The following RAB20 variants were observed in gnomAD, a reference collection of about 807,000 sequenced individuals.
RAB20 encodes the protein RAB20, member RAS oncogene family, also known as ras-related protein Rab-20.
RAB20 carries 2 observed loss-of-function variants against 3.7 expected under a neutral mutation model. That is an observed-to-expected ratio of 0.54 (90% CI 0.22 to 1.69). The LOEUF is 1.69. Ranked by LOEUF, RAB20 falls within the 40% of genes most tolerant of loss-of-function variation. The pLI is 0.19. For missense variants in RAB20, 276 were observed against 311.9 expected (o/e 0.88, Z 0.87); for synonymous variants, 126 against 130.8 (o/e 0.96, Z 0.25).
chr13:110,560,969 CCTCAAGTGAAT>C (rs1369642202), intron 1 of RAB20, among the ~76,000 whole-genome samples: 1 of 152,176 alleles, frequency 6.6e-6, no homozygotes, highest in East Asian at 1.9e-4. Flanking sequence ...TCTGCTCACC[CCTCAAGTGAAT>C]CTCAAAGGAT....
At chr13:110,551,439 C>A (rs1212324040) in intron 1 of RAB20, among the ~76,000 whole-genome samples, 1 of 152,170 alleles carries the variant, frequency 6.6e-6, no homozygotes, top group Non-Finnish European at 1.5e-5. Flanking sequence ...CAAGTGCCAG[C>A]AGGCAGATAA....
chr13:110,560,126 C>T (rs1161035305), intron 1 of RAB20, among the ~76,000 whole-genome samples: 1 of 152,164 alleles, frequency 6.6e-6, no homozygotes, highest in Non-Finnish European at 1.5e-5. Flanking sequence ...TGTGTTCCAT[C>T]GTTACCAAAT....
chr13:110,527,871 C>A (rs1395835391), intron 1 of RAB20, among the ~76,000 whole-genome samples: 1 of 150,820 alleles, frequency 6.6e-6, no homozygotes, highest in East Asian at 2.0e-4. Context: ...CCAGCTTGGG[C>A]AGCATAGCAA....
At chr13:110,552,935 AGCCTC>A (rs1884981258) in intron 1 of RAB20, among the ~76,000 whole-genome samples, 2 of 152,176 alleles carry the variant, frequency 1.3e-5, no homozygotes, top group South Asian at 4.1e-4. Flanking sequence ...CTGTGGGCCG[AGCCTC>A]CCAGCGCACA....
At chr13:110,535,476 T>A (rs1884623857) in intron 1 of RAB20, among the ~76,000 whole-genome samples, 1 of 152,270 alleles carries the variant, frequency 6.6e-6, no homozygotes, top group South Asian at 2.1e-4. Context: ...CACGTCTTCA[T>A]GGATCCTTAA....
chr13:110,529,383 C>T (rs1884491023), intron 1 of RAB20, among the ~76,000 whole-genome samples: 1 of 152,180 alleles, frequency 6.6e-6, no homozygotes, highest in South Asian at 2.1e-4. Flanking sequence ...TTCAAAGTCC[C>T]TCTCCCTGGA....
chr13:110,560,069 G>GAA (rs1301441297), intron 1 of RAB20, among the ~76,000 whole-genome samples: 1 of 152,212 alleles, frequency 6.6e-6, no homozygotes, highest in African/African-American at 2.4e-5. Flanking sequence ...ACTTTGTACA[G>GAA]AAGCAAATTG....
rs530965453 is a variant in RAB20, at chr13:110,561,556, C to A, written c.-37G>T. ...AACCCCCAGCGCCCCCGCGCCCTCT[C>A]CCCGAGGCTGGCCGGCTCGTGCGCC... On this transcript the variant is annotated 5_prime_UTR_variant, in exon 1 of 2. Coordinates refer to ENST00000267328, the MANE Select transcript of RAB20 (RefSeq NM_017817.3). The A allele has an allele frequency of 2.6e-6, 4 of 1,519,328 alleles. No individual in the cohort carries two copies. The African/African-American group carries it at 5.7e-5, about 22-fold the overall frequency. 94.1% of individuals were successfully genotyped at this position (1,519,328 alleles called of 1,614,324 possible).
At position 110,547,313 on chromosome 13, in the gene RAB20, A is replaced by G. The variant is rs574922349; in HGVS notation, c.172+14035T>C. On this transcript the variant is annotated intron_variant, in intron 1 of 1. Coordinates refer to ENST00000267328, the MANE Select transcript of RAB20 (RefSeq NM_017817.3). Reference sequence around the variant, plus strand: ...AGACACGAGGCGCAACAAGCTTCCTATGTGAATGAAGTGCGCTTAATTCTA... The same window carrying G: ...AGACACGAGGCGCAACAAGCTTCCTGTGTGAATGAAGTGCGCTTAATTCTA... Among the ~76,000 whole-genome samples, 7 of 152,374 alleles carry G rather than the reference A, an allele frequency of 4.6e-5. No individual in the cohort carries two copies. In the East Asian group the frequency reaches 1.2e-3, roughly 25 times the overall value.
At chr13:110,540,426 T>C (rs895103110) in intron 1 of RAB20, among the ~76,000 whole-genome samples, 4 of 152,246 alleles carry the variant, frequency 2.6e-5, no homozygotes, top group East Asian at 3.8e-4. Flanking sequence ...ATTATAAATA[T>C]CATATTAAGA....
chr13:110,557,929 C>T (rs1356659908), intron 1 of RAB20, among the ~76,000 whole-genome samples: 1 of 152,272 alleles, frequency 6.6e-6, no homozygotes, highest in Non-Finnish European at 1.5e-5. Context: ...ATCAGCCTGT[C>T]GTATTTTCTT....
At chr13:110,544,404 T>A (rs549112348) in intron 1 of RAB20, among the ~76,000 whole-genome samples, 1 of 152,184 alleles carries the variant, frequency 6.6e-6, no homozygotes, top group Non-Finnish European at 1.5e-5. Context: ...TGGTTCCACA[T>A]AAATTTTAGA....
Position 110,523,276 on chromosome 13 carries a change from G to T in RAB20, c.*389C>A. ...ACAAGAAATGTCAGAGTTGTAGGACGTGGTAACAACCCAGGGTGCTGAAAC... is the reference window on the plus strand; with the variant it reads ...ACAAGAAATGTCAGAGTTGTAGGACTTGGTAACAACCCAGGGTGCTGAAAC... On this transcript the variant is annotated 3_prime_UTR_variant, in exon 2 of 2. Transcript: ENST00000267328. 2.4e-6 allele frequency: 1 copy of T among 419,934 alleles called. No homozygotes were observed. The highest frequency in any genetic ancestry group is 4.2e-6 in the Non-Finnish European group (1 of 238,378). The allele number at this position is 419,934 out of a possible 1,614,324, so 26.0% of individuals were successfully genotyped here.
At chr13:110,539,082 A>G (rs1473192711) in intron 1 of RAB20, among the ~76,000 whole-genome samples, 1 of 152,234 alleles carries the variant, frequency 6.6e-6, no homozygotes, top group Non-Finnish European at 1.5e-5. Flanking sequence ...GGAGGCGATT[A>G]GGTGACCTTA....
intron 1 of RAB20, among the ~76,000 whole-genome samples, chr13:110,544,005 T>C (rs1884811493): frequency 6.6e-6 from 1 of 152,058 alleles, no homozygotes; most frequent in South Asian, 2.1e-4. Context: ...AAACTCCTCC[T>C]GACTTAAGCG....
At chr13:110,533,298 A>C (rs1884577461) in intron 1 of RAB20, among the ~76,000 whole-genome samples, 1 of 152,230 alleles carries the variant, frequency 6.6e-6, no homozygotes, top group African/African-American at 2.4e-5. Context: ...GTTTTGGCTA[A>C]AGTTGAGAGT....
chr13:110,523,830 A>G lies in RAB20; in HGVS notation c.540T>C (p.Phe180=). The G allele has an allele frequency of 6.2e-7, 1 of 1,614,212 alleles. No homozygotes were observed. The change falls in exon 2 of 2, where the codon TTT becomes TTC. Residue 180 remains phenylalanine (F), a synonymous_variant. Coordinates refer to ENST00000267328, the MANE Select transcript of RAB20 (RefSeq NM_017817.3). ...QDVPAAEQMC[F]ETSAKTGYNV... is the part of the protein sequence containing the mutation. ...TGTAGCCGGTCTTGGCGCTGGTCTC[A>G]AAGCACATTTGCTCAGCGGCCGGCA...
intron 1 of RAB20, among the ~76,000 whole-genome samples, chr13:110,536,749 G>T (rs1884648337): frequency 4.6e-5 from 4 of 86,914 alleles, no homozygotes; most frequent in Non-Finnish European, 7.2e-5. Flanking sequence ...TTGTTTTTAT[G>T]TTTATTTTAC....
intron 1 of RAB20, 98 bp from the exon 2 acceptor site, chr13:110,524,295 T>C: frequency 2.1e-6 from 3 of 1,448,362 alleles, no homozygotes. Context: ...GATGTTTATT[T>C]TTAGGGCAAC....
Sources: gnomAD v4.1 joint callset for allele counts (sites outside exome capture counted in the v4.1 genomes callset) on GRCh38, gnomAD v4.1.1 for gene constraint, MANE v1.5 for transcripts, NCBI Gene and HGNC (gene_info 2026-07-23, HGNC 2026-07-21) for gene names.